The following FOXN3 variants were observed in gnomAD, a reference collection of about 807,000 sequenced individuals.
FOXN3 encodes forkhead box N3.
A neutral mutation model predicts 38.4 loss-of-function variants in FOXN3; 7 were observed. The observed-to-expected ratio is 0.18, with a 90% CI of 0.10 to 0.34. The LOEUF (loss-of-function observed/expected upper bound fraction) is 0.34. FOXN3 is among the 10% of genes least tolerant of loss of function. FOXN3 has a pLI of 1.00. For synonymous variants in FOXN3, 230 were observed against 242.2 expected (o/e 0.95, Z 0.47); for missense variants, 456 against 613.4 (o/e 0.74, Z 2.71).
At position 89,436,274 on chromosome 14, in the gene FOXN3, GGTTT is replaced by G. The variant is rs889786778; in HGVS notation, c.-14-23788_-14-23785del. On this transcript the variant is annotated intron_variant, in intron 1 of 6. Transcript: ENST00000345097. The stretch of plus-strand genomic sequence containing the variant: ...TGGTTTTATAGCCCTGGCCAGAAAA[GGTTT>G]GTTTATTCATTAAAAAAAAAAAAAA... 3.9e-5 allele frequency among the ~76,000 whole-genome samples: 5 copies of G among 128,158 alleles called. 1 individual carries two copies. The highest frequency in any genetic ancestry group is 1.8e-4 in the Admixed American group (2 of 11,292). 84.1% of individuals were successfully genotyped at this position (128,158 alleles called of 152,430 possible). A position where few individuals can be genotyped will look rare whatever the true frequency, so the allele number is the denominator to read the frequency against.
intron 1 of FOXN3, among the ~76,000 whole-genome samples, chr14:89,454,711 G>C (rs917325577): frequency 2.6e-5 from 4 of 152,176 alleles, no homozygotes; most frequent in Non-Finnish European, 5.9e-5. Context: ...GCTGATAGAA[G>C]TGCTTATCAT....
At chr14:89,363,205 G>C (rs1889946378) in intron 2 of FOXN3, among the ~76,000 whole-genome samples, 1 of 152,212 alleles carries the variant, frequency 6.6e-6, no homozygotes, top group South Asian at 2.1e-4. Flanking sequence ...CTCCCACCTG[G>C]GCTATCCCCA....
In FOXN3 at chr14:89,160,623, CACT is replaced by C. The variant is rs1887075234; in HGVS notation, c.*1788_*1790del. The stretch of plus-strand genomic sequence containing the variant: ...TTCTCTTGATTCTATCATACACACT[CACT>C]ACTAAGTTTGCCCTCAAATTATTGC... On this transcript the variant is annotated 3_prime_UTR_variant, in exon 6 of 6. Transcript: ENST00000557258. 1 of 152,600 alleles carries C rather than the reference CACT, an allele frequency of 6.6e-6. No individual in the cohort carries two copies. The highest frequency in any genetic ancestry group is 2.4e-5 in the African/African-American group (1 of 41,436). 9.5% of individuals were successfully genotyped at this position (152,600 alleles called of 1,614,324 possible). A position where few individuals can be genotyped will look rare whatever the true frequency, so the allele number is the denominator to read the frequency against.
intron 1 of FOXN3, among the ~76,000 whole-genome samples, chr14:89,603,422 G>A (rs1896199800): frequency 6.6e-6 from 1 of 152,118 alleles, no homozygotes; most frequent in Admixed American, 6.5e-5. Flanking sequence ...CTAATATGTT[G>A]GAACTTAAAA....
At chr14:89,515,748 A>T (rs1295781792) in intron 1 of FOXN3, among the ~76,000 whole-genome samples, 1 of 152,206 alleles carries the variant, frequency 6.6e-6, no homozygotes, top group Non-Finnish European at 1.5e-5. Flanking sequence ...AAAGAAAAAA[A>T]ACAAGCATGT....
chr14:89,618,988 A>T (rs998472826), intron 1 of FOXN3: 1 of 152,456 alleles, frequency 6.6e-6, no homozygotes, highest in African/African-American at 2.4e-5. Context: ...GCTAAACCCG[A>T]GCAGATTAGG....
chr14:89,475,461 G>A (rs1344726434), intron 1 of FOXN3, among the ~76,000 whole-genome samples: 1 of 152,068 alleles, frequency 6.6e-6, no homozygotes, highest in Non-Finnish European at 1.5e-5. Flanking sequence ...TTCAAGATCA[G>A]CCTGGACAAC....
At chr14:89,417,771 C>G (rs1315902475), upstream of FOXN3, 1 of 455,422 alleles carries the variant, frequency 2.2e-6, no homozygotes, top group South Asian at 1.6e-5. Context: ...CGAGCCCTCT[C>G]CCAGCGACCA....
intron 2 of FOXN3, chr14:89,399,961 T>C (rs185740911): frequency 6.6e-6 from 1 of 152,348 alleles, no homozygotes; most frequent in Non-Finnish European, 1.5e-5. Context: ...AGGGACCAGA[T>C]GGCAGAGAAC....
At chr14:89,471,232 G>A (rs952543971) in intron 1 of FOXN3, among the ~76,000 whole-genome samples, 1 of 152,158 alleles carries the variant, frequency 6.6e-6, no homozygotes, top group South Asian at 2.1e-4. Context: ...CTGTGGTTCA[G>A]ACCCTAGAAA....
intron 1 of FOXN3, among the ~76,000 whole-genome samples, chr14:89,610,532 T>A (rs1185222995): frequency 6.6e-6 from 1 of 152,154 alleles, no homozygotes; most frequent in African/African-American, 2.4e-5. Context: ...AAGAAAACCA[T>A]CCACCCTTCA....
At chr14:89,567,637 C>A (rs185886806) in intron 1 of FOXN3, among the ~76,000 whole-genome samples, 45 of 151,040 alleles carry the variant, frequency 3.0e-4, no homozygotes, top group Admixed American at 1.8e-3. Context: ...GCACATGATA[C>A]AATTAATGAG....
intron 1 of FOXN3, among the ~76,000 whole-genome samples, chr14:89,541,285 G>A (rs989242667): frequency 4.6e-5 from 7 of 152,110 alleles, no homozygotes; most frequent in African/African-American, 7.2e-5. Context: ...AGATCTACTC[G>A]GGCTGCATTC....
chr14:89,464,887 T>G (rs1892941547), intron 1 of FOXN3, among the ~76,000 whole-genome samples: 2 of 151,934 alleles, frequency 1.3e-5, no homozygotes, highest in East Asian at 1.9e-4. Flanking sequence ...TGGTAGAGAT[T>G]GAGTTTCACC....
chr14:89,603,839 G>A (rs1369879229), intron 1 of FOXN3, among the ~76,000 whole-genome samples: 1 of 152,128 alleles, frequency 6.6e-6, no homozygotes, highest in East Asian at 1.9e-4. Flanking sequence ...AGACACAGGG[G>A]AAAGCAGATA....
At position 89,417,192 on chromosome 14, in the gene FOXN3, G is replaced by A. The variant is rs983959580; in HGVS notation, c.-336C>T. 4 of 146,294 alleles carry A rather than the reference G, an allele frequency of 2.7e-5. No individual in the cohort carries two copies. Among genetic ancestry groups the A allele is most frequent in the African/African-American group, 7.4e-5 (3 of 40,784 alleles). The allele number at this position is 146,294 out of a possible 1,614,324, so 9.1% of individuals were successfully genotyped here. On this transcript the variant is annotated 5_prime_UTR_variant, in exon 1 of 6. Coordinates refer to ENST00000557258, the MANE Select transcript of FOXN3 (RefSeq NM_005197.4). ...GCGTCGGGCCGGGGCGCGCCGAGCG[G>A]CGAGAAATTGTTTCCACTGCAAACA...
At chr14:89,506,985 C>T (rs968194072) in intron 1 of FOXN3, among the ~76,000 whole-genome samples, 2 of 152,172 alleles carry the variant, frequency 1.3e-5, no homozygotes, top group Non-Finnish European at 2.9e-5. Context: ...GACACAAACA[C>T]TGCGCAAGGC....
chr14:89,273,112 C>A (rs557730403), intron 4 of FOXN3, among the ~76,000 whole-genome samples: 6 of 152,224 alleles, frequency 3.9e-5, no homozygotes, highest in Non-Finnish European at 5.9e-5. Flanking sequence ...AAACCTAGCT[C>A]TTGAATATGG....
At chr14:89,616,689 CAA>C (rs1272097277) in intron 1 of FOXN3, among the ~76,000 whole-genome samples, 1 of 152,178 alleles carries the variant, frequency 6.6e-6, no homozygotes. Flanking sequence ...TTCTGGCTCT[CAA>C]AAGAGTTTTG....
Sources: gnomAD v4.1 joint callset for allele counts (sites outside exome capture counted in the v4.1 genomes callset) on GRCh38, gnomAD v4.1.1 for gene constraint, MANE v1.5 for transcripts, NCBI Gene and HGNC (gene_info 2026-07-23, HGNC 2026-07-21) for gene names.